Variants in CLDN10 observed in about 807,000 individuals in gnomAD.
CLDN10 encodes claudin-10.
A neutral mutation model predicts 22.9 loss-of-function variants in CLDN10; 15 were observed. The ratio of observed to expected loss-of-function variants is 0.65; its 90% CI spans 0.44 to 1.01. CLDN10 has a LOEUF of 1.01. Ranked by LOEUF, CLDN10 falls within the 50% of genes least tolerant of loss-of-function variation. The pLI, the probability that CLDN10 is intolerant of heterozygous loss-of-function variation, is 0.00. For synonymous variants in CLDN10, 114 were observed against 111.4 expected, an observed-to-expected ratio of 1.02 and a Z score of -0.15; for missense variants, 247 against 287.8, an observed-to-expected ratio of 0.86 and a Z score of 1.03.
chr13:95,576,885 G>A (rs1429230557), intron 3 of CLDN10, among the ~76,000 whole-genome samples: 9 of 152,154 alleles, frequency 5.9e-5, no homozygotes, highest in Admixed American at 4.6e-4. Flanking sequence ...AATGATTTGC[G>A]CTGCAGAACA....
At chr13:95,487,449 A>T (rs777221934) in intron 1 of CLDN10, among the ~76,000 whole-genome samples, 7 of 152,164 alleles carry the variant, frequency 4.6e-5, no homozygotes, top group Non-Finnish European at 1.0e-4. Flanking sequence ...TTTCCTCTGC[A>T]CTTCTCTTAG....
At chr13:95,476,577 A>G (rs1292103094) in intron 1 of CLDN10, among the ~76,000 whole-genome samples, 1 of 152,202 alleles carries the variant, frequency 6.6e-6, no homozygotes, top group Non-Finnish European at 1.5e-5. Flanking sequence ...AGGGACACAG[A>G]TATTCAGACC....
chr13:95,527,891 AG>A (rs2043301458), intron 1 of CLDN10, among the ~76,000 whole-genome samples: 1 of 152,054 alleles, frequency 6.6e-6, no homozygotes, highest in African/African-American at 2.4e-5. Context: ...TGTAGGGAAA[AG>A]TTTTTTGCTA....
intron 1 of CLDN10, among the ~76,000 whole-genome samples, chr13:95,513,384 T>C (rs2043126437): frequency 6.6e-6 from 1 of 152,182 alleles, no homozygotes; most frequent in African/African-American, 2.4e-5. Flanking sequence ...ATGCTAAAGA[T>C]AAACTTATTT....
At chr13:95,435,745 C>T (rs1206943148) in intron 1 of CLDN10, among the ~76,000 whole-genome samples, 1 of 152,070 alleles carries the variant, frequency 6.6e-6, no homozygotes, top group African/African-American at 2.4e-5. Flanking sequence ...CCCTTTTTCA[C>T]CTTAGGAATC....
chr13:95,536,031 G>A (rs1163291842), intron 1 of CLDN10, among the ~76,000 whole-genome samples: 3 of 152,138 alleles, frequency 2.0e-5, no homozygotes, highest in African/African-American at 7.2e-5. Context: ...AGATGGCAGT[G>A]GATGGAGAAG....
intron 1 of CLDN10, among the ~76,000 whole-genome samples, chr13:95,535,354 G>A (rs982415819): frequency 6.6e-5 from 10 of 152,172 alleles, no homozygotes; most frequent in Admixed American, 5.2e-4. Flanking sequence ...GAGGTGATGA[G>A]GGTCTAAACT....
At chr13:95,577,810 A>G in intron 4 of CLDN10, 90 bp from the exon 5 acceptor site, 1 of 715,804 alleles carries the variant, frequency 1.4e-6, no homozygotes, top group Non-Finnish European at 2.4e-6. Context: ...ACATTTAGAT[A>G]TTGGCAGAGA....
Position 95,559,657 on chromosome 13 carries a change from G to A in CLDN10, c.221-475G>A, listed in dbSNP as rs140641975. On this transcript the variant is annotated intron_variant, in intron 1 of 4. Transcript: ENST00000299339. ...CACCCAGTTATAAATCTTATCATTT[G>A]ATAATGTCAAAACCATTAAAACACC... 3.2e-3 allele frequency among the ~76,000 whole-genome samples: 481 copies of A among 152,274 alleles called. 3 individuals are homozygous for A. Among genetic ancestry groups the A allele is most frequent in the African/African-American group, 0.011 (459 of 41,560 alleles).
chr13:95,556,647 A>G (rs1271812997), intron 1 of CLDN10, among the ~76,000 whole-genome samples: 1 of 152,200 alleles, frequency 6.6e-6, no homozygotes, highest in Non-Finnish European at 1.5e-5. Flanking sequence ...AGGTCCTATA[A>G]CCAAGTACAT....
Position 95,472,650 on chromosome 13 carries a change from A to T in CLDN10, c.214+38603A>T, listed in dbSNP as rs546490962. 4.0e-5 allele frequency among the ~76,000 whole-genome samples: 6 copies of T among 149,538 alleles called. No individual in the cohort carries two copies. In the South Asian group the frequency reaches 1.3e-3, roughly 32 times the overall value. On this transcript the variant is annotated intron_variant, in intron 1 of 4. Coordinates refer to the CLDN10 transcript ENST00000376873. ...ACACCACTGCACTCCAGCCTGGGCA[A>T]CAGAGCGAGACTCCGTCTCAAAAAA...
intron 1 of CLDN10, among the ~76,000 whole-genome samples, chr13:95,491,093 T>C (rs1346897421): frequency 6.6e-6 from 1 of 152,206 alleles, no homozygotes; most frequent in Non-Finnish European, 1.5e-5. Context: ...GCTTTTGGTG[T>C]CCATTGCATG....
In CLDN10 at chr13:95,518,909, A is replaced by G. The variant is rs115451250; in HGVS notation, c.215-41223A>G. 8.1e-3 allele frequency among the ~76,000 whole-genome samples: 1,235 copies of G among 152,296 alleles called. 17 individuals are homozygous for G. The highest frequency in any genetic ancestry group is 0.028 in the African/African-American group (1,176 of 41,566). ...AGAATATTGGCTGATGTTGGTCACAAAAGTATTTTGGTTTAGAGTGTGATC... is the reference window on the plus strand; with the variant it reads ...AGAATATTGGCTGATGTTGGTCACAGAAGTATTTTGGTTTAGAGTGTGATC... On this transcript the variant is annotated intron_variant, in intron 1 of 4. Transcript: ENST00000376873.
Position 95,564,060 on chromosome 13 carries a change from G to A in CLDN10, c.464+3597G>A, listed in dbSNP as rs184913071. 1.2e-3 allele frequency among the ~76,000 whole-genome samples: 184 copies of A among 152,344 alleles called. 2 individuals carry two copies. Among genetic ancestry groups the A allele is most frequent in the East Asian group, 1.5e-3 (8 of 5,188 alleles). On this transcript the variant is annotated intron_variant, in intron 3 of 4. Coordinates refer to ENST00000299339, the MANE Select transcript of CLDN10 (RefSeq NM_006984.5). Reference sequence around the variant, plus strand: ...TGTACATGAACTTAGAGAGGAATACGTTGTAGAATCAAAGCTTGTGGCAGG... The same window carrying A: ...TGTACATGAACTTAGAGAGGAATACATTGTAGAATCAAAGCTTGTGGCAGG...
chr13:95,445,884 CT>C (rs1360562334), intron 1 of CLDN10, among the ~76,000 whole-genome samples: 4 of 152,194 alleles, frequency 2.6e-5, no homozygotes, highest in Non-Finnish European at 5.9e-5. Context: ...TCCCCAACTA[CT>C]TTGTAGTCAA....
upstream of CLDN10, among the ~76,000 whole-genome samples, chr13:95,551,335 C>T (rs1000799158): frequency 1.3e-5 from 2 of 152,202 alleles, no homozygotes; most frequent in Non-Finnish European, 2.9e-5. Flanking sequence ...CACTGAACTG[C>T]TGGTCCTGAA....
intron 1 of CLDN10, among the ~76,000 whole-genome samples, chr13:95,473,458 T>C (rs2042655828): frequency 6.6e-6 from 1 of 152,244 alleles, no homozygotes; most frequent in African/African-American, 2.4e-5. Context: ...TCAGGCAGCC[T>C]GCATGCCAAG....
intron 1 of CLDN10, among the ~76,000 whole-genome samples, chr13:95,543,310 G>A (rs1023731690): frequency 1.3e-5 from 2 of 152,182 alleles, no homozygotes; most frequent in African/African-American, 4.8e-5. Context: ...CTTTTCAGGT[G>A]CTAAGTAACA....
At chr13:95,489,594 CTTG>C (rs2042847514) in intron 1 of CLDN10, among the ~76,000 whole-genome samples, 1 of 151,768 alleles carries the variant, frequency 6.6e-6, no homozygotes, top group Admixed American at 6.6e-5. Flanking sequence ...CTCATTTGAG[CTTG>C]TTGTATATTC....
Sources: allele counts gnomAD v4.1 joint callset (sites outside exome capture counted in the v4.1 genomes callset), GRCh38; gene constraint gnomAD v4.1.1; transcripts MANE v1.5; gene names NCBI Gene and HGNC (gene_info 2026-07-23, HGNC 2026-07-21).